The following THSD7B variants were observed in gnomAD, a reference collection of about 807,000 sequenced individuals.
THSD7B encodes thrombospondin type-1 domain-containing protein 7B.
Under a neutral mutation model 213.6 loss-of-function variants are expected in THSD7B, and 138 were observed. The ratio of observed to expected loss-of-function variants is 0.65; its 90% CI spans 0.56 to 0.74. The LOEUF (loss-of-function observed/expected upper bound fraction) is 0.74. Among genes scored for constraint, THSD7B ranks in the 30% least tolerant of loss-of-function variants. The pLI, the probability that THSD7B is intolerant of heterozygous loss-of-function variation, is 0.00. For missense variants in THSD7B, 1,931 were observed against 1,991.5 expected (o/e 0.97, Z 0.58); for synonymous variants, 742 against 687.0 (o/e 1.08, Z -1.25).
intron 1 of THSD7B, among the ~76,000 whole-genome samples, chr2:136,820,257 G>A (rs1682545629): frequency 6.6e-6 from 1 of 152,178 alleles, no homozygotes; most frequent in Non-Finnish European, 1.5e-5. Flanking sequence ...AAATAAAAAT[G>A]GTAGCTAATT....
chr2:136,869,000 C>G (rs1482736097), intron 1 of THSD7B, among the ~76,000 whole-genome samples: 1 of 152,080 alleles, frequency 6.6e-6, no homozygotes, highest in African/African-American at 2.4e-5. Flanking sequence ...CTCCTCCAAA[C>G]AACAGATTAT....
intron 5 of THSD7B, among the ~76,000 whole-genome samples, chr2:137,141,404 G>C (rs1679581661): frequency 6.6e-6 from 1 of 152,016 alleles, no homozygotes; most frequent in Non-Finnish European, 1.5e-5. Context: ...TAGTGATAGA[G>C]CAGCTCTGTA....
At chr2:136,796,801 C>T (rs765626052) in intron 1 of THSD7B, among the ~76,000 whole-genome samples, 14 of 151,816 alleles carry the variant, frequency 9.2e-5, no homozygotes, top group Non-Finnish European at 7.4e-5. Flanking sequence ...TTATCTTTCT[C>T]CTTAAAAAGC....
At chr2:136,938,943 C>T (rs1055810809) in intron 2 of THSD7B, among the ~76,000 whole-genome samples, 1 of 152,182 alleles carries the variant, frequency 6.6e-6, no homozygotes, top group Non-Finnish European at 1.5e-5. Flanking sequence ...ATACAACCCA[C>T]ACTGCTATAG....
chr2:136,913,827 G>A (rs779773289), intron 2 of THSD7B, among the ~76,000 whole-genome samples: 3 of 152,266 alleles, frequency 2.0e-5, no homozygotes, highest in African/African-American at 4.8e-5. Flanking sequence ...CAAGGGCAGG[G>A]CCCTCATGGA....
intron 7 of THSD7B, among the ~76,000 whole-genome samples, chr2:137,229,154 C>T (rs1161374045): frequency 6.6e-6 from 1 of 152,184 alleles, no homozygotes; most frequent in East Asian, 1.9e-4. Flanking sequence ...CACCACCTTT[C>T]CCCTTACTTT....
chr2:136,955,947 C>T (rs1198994520), intron 2 of THSD7B, among the ~76,000 whole-genome samples: 1 of 151,182 alleles, frequency 6.6e-6, no homozygotes, highest in Non-Finnish European at 1.5e-5. Context: ...CATGAGCCAC[C>T]ACGCCCGGGA....
At chr2:137,651,566 T>A (rs1683138116) in intron 21 of THSD7B, among the ~76,000 whole-genome samples, 1 of 152,042 alleles carries the variant, frequency 6.6e-6, no homozygotes, top group Non-Finnish European at 1.5e-5. Context: ...GACTTATGGC[T>A]ACTCTGATGT....
At chr2:137,090,551 G>A (rs1374112951) in intron 3 of THSD7B, among the ~76,000 whole-genome samples, 1 of 152,064 alleles carries the variant, frequency 6.6e-6, no homozygotes, top group African/African-American at 2.4e-5. Flanking sequence ...AATTACTAGC[G>A]TAATTTTTGT....
chr2:137,471,998 A>G (rs1688102546), intron 15 of THSD7B, among the ~76,000 whole-genome samples: 1 of 152,182 alleles, frequency 6.6e-6, no homozygotes, highest in Non-Finnish European at 1.5e-5. Context: ...GTTTTAAGAA[A>G]GTGGAAAGGG....
intron 15 of THSD7B, among the ~76,000 whole-genome samples, chr2:137,498,590 A>AT (rs935508915): frequency 2.0e-4 from 30 of 147,990 alleles, no homozygotes; most frequent in East Asian, 1.4e-3. Flanking sequence ...GGATGGGGGT[A>AT]TTTTTTTTTT....
At chr2:137,193,603 G>A (rs896400309) in intron 7 of THSD7B, among the ~76,000 whole-genome samples, 2 of 152,026 alleles carry the variant, frequency 1.3e-5, no homozygotes, top group African/African-American at 4.8e-5. Flanking sequence ...AAAGAATGGT[G>A]GCAGATGCTC....
chr2:136,980,424 G>C (rs565154358), intron 2 of THSD7B, among the ~76,000 whole-genome samples: 19 of 152,246 alleles, frequency 1.2e-4, no homozygotes, highest in African/African-American at 4.6e-4. Flanking sequence ...TAAGAGTTCT[G>C]TCCATAAAGC....
chr2:137,266,254 T>C (rs1558978857), intron 10 of THSD7B, among the ~76,000 whole-genome samples: 1 of 152,242 alleles, frequency 6.6e-6, no homozygotes, highest in East Asian at 1.9e-4. Context: ...CTAGAAACTT[T>C]TAGTTGGCCT....
Position 137,662,063 on chromosome 2 carries a change from T to C in THSD7B, c.4459-1320T>C. Among the ~76,000 whole-genome samples, 3 of 106,398 alleles carry C rather than the reference T, an allele frequency of 2.8e-5. No homozygotes were observed. The East Asian group carries it at 7.6e-4, about 27-fold the overall frequency. The allele number at this position is 106,398 out of a possible 152,430, so 69.8% of individuals were successfully genotyped here. A position where few individuals can be genotyped will look rare whatever the true frequency, so the allele number is the denominator to read the frequency against. ...CCAGCTTCAGGTGTTTTCTTTTTTC[T>C]TTTTTTTTTTTTTTTTGAGATGGAG... is the stretch of plus-strand genomic sequence containing the variant. On this transcript the variant is annotated intron_variant, in intron 25 of 27. Transcript: ENST00000409968.
chr2:137,383,971 T>G (rs1685835013), intron 12 of THSD7B, among the ~76,000 whole-genome samples: 1 of 152,202 alleles, frequency 6.6e-6, no homozygotes, highest in Admixed American at 6.5e-5. Flanking sequence ...AGGAAACTAA[T>G]ATACCCTTGA....
chr2:137,180,558 A>G (rs1680435352), intron 7 of THSD7B, among the ~76,000 whole-genome samples: 1 of 152,208 alleles, frequency 6.6e-6, no homozygotes, highest in African/African-American at 2.4e-5. Context: ...ATGTTTATAG[A>G]ATTTGAAAGA....
chr2:137,095,060 C>G lies in THSD7B; in HGVS notation c.1138C>G (p.Pro380Ala). Residue 380 changes from proline to alanine, a missense_variant, in exon 4 of 28, where the codon CCT (proline) becomes GCT (alanine). Transcript: ENST00000409968. ...HMAIGGGKECPELLEKEACIV... is the reference protein window; with the variant it reads ...HMAIGGGKECAELLEKEACIV... Reference sequence around the variant, plus strand: ...GGCTATTGGAGGTGGAAAGGAGTGTCCTGAACTTCTTGAGAAAGAGGCCTG... The same window carrying G: ...GGCTATTGGAGGTGGAAAGGAGTGTGCTGAACTTCTTGAGAAAGAGGCCTG... 6.2e-7 allele frequency: 1 copy of G among 1,613,830 alleles called. No individual in the cohort carries two copies. The highest frequency in any genetic ancestry group is 8.5e-7 in the Non-Finnish European group (1 of 1,179,838).
At chr2:137,215,919 G>A (rs540403497) in intron 7 of THSD7B, among the ~76,000 whole-genome samples, 1 of 152,256 alleles carries the variant, frequency 6.6e-6, no homozygotes, top group African/African-American at 2.4e-5. Context: ...TAAAGATAGT[G>A]AAATTCTATT....
Sources: allele counts gnomAD v4.1 joint callset (sites outside exome capture counted in the v4.1 genomes callset), GRCh38; gene constraint gnomAD v4.1.1; transcripts MANE v1.5; gene names NCBI Gene and HGNC (gene_info 2026-07-23, HGNC 2026-07-21).